The following MEGF11 variants were observed in gnomAD, a reference collection of about 807,000 sequenced individuals.
MEGF11 encodes the protein multiple EGF like domains 11.
MEGF11 carries 126 observed loss-of-function variants against 146.6 expected under a neutral mutation model. The observed-to-expected ratio is 0.86, with a 90% CI of 0.74 to 1.00. MEGF11 has a LOEUF of 1.00. Among genes scored for constraint, MEGF11 ranks in the 50% least tolerant of loss-of-function variants. MEGF11 has a pLI of 0.00. For synonymous variants in MEGF11, 532 were observed against 583.4 expected, an observed-to-expected ratio of 0.91 and a Z score of 1.27; for missense variants, 1,509 against 1,521.2, an observed-to-expected ratio of 0.99 and a Z score of 0.13.
intron 23 of MEGF11, among the ~76,000 whole-genome samples, chr15:65,907,265 C>T (rs2078657577): frequency 1.3e-5 from 2 of 151,974 alleles, no homozygotes; most frequent in African/African-American, 4.8e-5. Flanking sequence ...AGAACCAGGC[C>T]CAAGTTTTTC....
intron 23 of MEGF11, among the ~76,000 whole-genome samples, chr15:65,907,295 CTTT>C (rs890164071): frequency 1.4e-5 from 2 of 148,026 alleles, no homozygotes; most frequent in Admixed American, 1.3e-4. Flanking sequence ...TGCTATTTTT[CTTT>C]TTTTCTTTTT....
chr15:66,163,404 T>C (rs1456244678), intron 1 of MEGF11, among the ~76,000 whole-genome samples: 1 of 152,086 alleles, frequency 6.6e-6, no homozygotes, highest in African/African-American at 2.4e-5. Context: ...AGAAAGGGCT[T>C]GTGAACTGAA....
intron 1 of MEGF11, among the ~76,000 whole-genome samples, chr15:66,209,113 G>T (rs903143972): frequency 6.6e-6 from 1 of 152,156 alleles, no homozygotes; most frequent in South Asian, 2.1e-4. Context: ...CACTTTGGGA[G>T]GCTGAGGCGG....
chr15:66,080,016 C>T (rs755556013), intron 5 of MEGF11, among the ~76,000 whole-genome samples: 7 of 152,214 alleles, frequency 4.6e-5, no homozygotes, highest in Non-Finnish European at 8.8e-5. Flanking sequence ...CGCTGGCTTC[C>T]AGAGTGTCAC....
intron 1 of MEGF11, among the ~76,000 whole-genome samples, chr15:66,230,888 G>A (rs2091954180): frequency 6.6e-6 from 1 of 152,136 alleles, no homozygotes; most frequent in African/African-American, 2.4e-5. Flanking sequence ...AGGGGACTTG[G>A]CTCGTCCAAA....
intron 1 of MEGF11, among the ~76,000 whole-genome samples, chr15:66,138,879 CG>C (rs2089015746): frequency 6.6e-6 from 1 of 152,030 alleles, no homozygotes; most frequent in Non-Finnish European, 1.5e-5. Flanking sequence ...TCTGATGGGG[CG>C]TATGGGATGC....
intron 5 of MEGF11, among the ~76,000 whole-genome samples, chr15:66,030,491 T>C (rs1382343303): frequency 6.6e-6 from 1 of 152,086 alleles, no homozygotes; most frequent in Non-Finnish European, 1.5e-5. Flanking sequence ...CTCACTGCAA[T>C]CTCCACCTCT....
intron 1 of MEGF11, among the ~76,000 whole-genome samples, chr15:66,224,673 T>A (rs1054991254): frequency 8.2e-5 from 12 of 146,286 alleles, no homozygotes; most frequent in Admixed American, 4.1e-4. Context: ...AGTATATATT[T>A]ATATATAATA....
At chr15:65,904,006 G>C (rs1013533490) in intron 24 of MEGF11, among the ~76,000 whole-genome samples, 2 of 152,200 alleles carry the variant, frequency 1.3e-5, no homozygotes, top group African/African-American at 4.8e-5. Context: ...GCACTCAGAG[G>C]TCAGATATAT....
chr15:66,247,131 T>C (rs1275841879), intron 1 of MEGF11, among the ~76,000 whole-genome samples: 1 of 152,170 alleles, frequency 6.6e-6, no homozygotes, highest in African/African-American at 2.4e-5. Context: ...GTATGAGCCA[T>C]GAACCACCTC....
At chr15:66,036,261 C>A (rs1409486275) in intron 5 of MEGF11, among the ~76,000 whole-genome samples, 1 of 152,238 alleles carries the variant, frequency 6.6e-6, no homozygotes, top group Non-Finnish European at 1.5e-5. Flanking sequence ...GTCATGCACC[C>A]TTTACTGGCT....
At chr15:66,226,814 C>A (rs1567291063) in intron 1 of MEGF11, among the ~76,000 whole-genome samples, 2 of 152,036 alleles carry the variant, frequency 1.3e-5, no homozygotes, top group Non-Finnish European at 2.9e-5. Flanking sequence ...CATGGGCACA[C>A]AAACACACGT....
intron 1 of MEGF11, among the ~76,000 whole-genome samples, chr15:66,220,136 C>G (rs1438399341): frequency 6.6e-6 from 1 of 152,048 alleles, no homozygotes; most frequent in African/African-American, 2.4e-5. Flanking sequence ...GCACAAAGGC[C>G]TGGGGAGAAG....
At chr15:66,044,611 A>T (rs1165963060) in intron 5 of MEGF11, among the ~76,000 whole-genome samples, 2 of 151,914 alleles carry the variant, frequency 1.3e-5, no homozygotes, top group African/African-American at 4.8e-5. Context: ...ATTTTGGGAG[A>T]CTGAGAATTG....
intron 5 of MEGF11, among the ~76,000 whole-genome samples, chr15:66,009,834 T>G (rs1307636362): frequency 6.6e-6 from 1 of 152,104 alleles, no homozygotes; most frequent in Non-Finnish European, 1.5e-5. Context: ...CACTTCGTGA[T>G]CCACCCACAT....
chr15:66,230,946 T>C (rs1419255973), intron 1 of MEGF11, among the ~76,000 whole-genome samples: 7 of 152,180 alleles, frequency 4.6e-5, no homozygotes, highest in Admixed American at 4.6e-4. Context: ...AGCGTTCCCA[T>C]TCCTGGCCAA....
intron 1 of MEGF11, among the ~76,000 whole-genome samples, chr15:66,178,266 G>A (rs1455972559): frequency 1.3e-5 from 2 of 152,146 alleles, no homozygotes; most frequent in East Asian, 1.9e-4. Context: ...GATTACAAGC[G>A]TGAGCCACTG....
chr15:65,965,609 T>TCTTTCTTTCTTTTC (rs1567180128), intron 8 of MEGF11, among the ~76,000 whole-genome samples: 2 of 80,362 alleles, frequency 2.5e-5, no homozygotes, highest in Non-Finnish European at 5.5e-5. Flanking sequence ...TCTTTTTTTT[T>TCTTTCTTTCTTTTC]TTTCTTTTTT....
chr15:66,017,908 C>T (rs994212718), intron 5 of MEGF11, among the ~76,000 whole-genome samples: 20 of 152,300 alleles, frequency 1.3e-4, no homozygotes, highest in African/African-American at 3.8e-4. Context: ...AGATGAGAGG[C>T]AGGCCCTCAA....
Sources: gnomAD v4.1 joint callset for allele counts (sites outside exome capture counted in the v4.1 genomes callset) on GRCh38, gnomAD v4.1.1 for gene constraint, MANE v1.5 for transcripts, NCBI Gene and HGNC (gene_info 2026-07-23, HGNC 2026-07-21) for gene names.